The following P2RX4 variants were observed in gnomAD, a reference collection of about 807,000 sequenced individuals.
P2RX4 encodes the protein P2X purinoceptor 4.
Under a neutral mutation model 48.0 loss-of-function variants are expected in P2RX4, and 37 were observed. The ratio of observed to expected loss-of-function variants is 0.77; its 90% confidence interval spans 0.59 to 1.01. The LOEUF is 1.01. Among genes scored for constraint, P2RX4 ranks in the 50% least tolerant of loss-of-function variants. The probability of loss-of-function intolerance (pLI) is 0.00; values close to 1 mark genes in which losing one functional copy is unlikely to be tolerated. For missense variants in P2RX4, 501 were observed against 521.4 expected (o/e 0.96, Z 0.38); for synonymous variants, 200 against 199.7 (o/e 1.00, Z -0.01).
At chr12:121,212,064 A>C (rs1885899970) in intron 1 of P2RX4, among the ~76,000 whole-genome samples, 1 of 152,260 alleles carries the variant, frequency 6.6e-6, no homozygotes, top group South Asian at 2.1e-4. Context: ...GAACCAATGA[A>C]CTGTGTTTCC....
At chr12:121,222,604 G>T (rs1482228267) in intron 4 of P2RX4, 1 of 519,792 alleles carries the variant, frequency 1.9e-6, no homozygotes, top group Non-Finnish European at 3.6e-6. Context: ...GTAGAGATGG[G>T]TTTTACCATG....
At position 121,233,036 on chromosome 12, in the gene P2RX4, A is replaced by C. The variant is rs1226775109; in HGVS notation, c.1084A>C (p.Lys362Gln). Residue 362 changes from lysine to glutamine, a missense_variant, in exon 11 of 12, where the codon AAG (lysine) becomes CAG (glutamine). Lys to Gln is a moderately conservative substitution (Grantham distance 53). Coordinates refer to ENST00000337233, the MANE Select transcript of P2RX4 (RefSeq NM_002560.3). ...TGACATCATAGTCCTCTACTGCATG[A>C]AGAAAAGACTCTACTATCGGGAGAA... ...LCDIIVLYCM[K>Q]KRLYYREKKY... is the part of the protein sequence containing the mutation. 1.2e-6 allele frequency: 2 copies of C among 1,614,026 alleles called. No homozygotes were observed. The highest frequency in any genetic ancestry group is 2.7e-5 in the African/African-American group (2 of 75,046).
Position 121,222,941 on chromosome 12 carries a change from T to C in P2RX4, c.428-6T>C. 6.2e-7 allele frequency: 1 copy of C among 1,604,348 alleles called. No individual in the cohort carries two copies. Among genetic ancestry groups the C allele is most frequent in the East Asian group, 2.2e-5 (1 of 44,840 alleles). ...TGGGACCCCCCTGCCACCCTTGTGCTTGTAGGAGTCTCAACAGGCAGGTGC... is the reference window on the plus strand; with the variant it reads ...TGGGACCCCCCTGCCACCCTTGTGCCTGTAGGAGTCTCAACAGGCAGGTGC... On this transcript the variant is annotated splice_polypyrimidine_tract_variant and splice_region_variant and intron_variant, in intron 4 of 11. Coordinates refer to ENST00000337233, the MANE Select transcript of P2RX4 (RefSeq NM_002560.3).
chr12:121,230,471 G>T (rs569576135), intron 8 of P2RX4, among the ~76,000 whole-genome samples: 2 of 152,362 alleles, frequency 1.3e-5, no homozygotes, highest in East Asian at 3.9e-4. Context: ...TAGTGGTGAC[G>T]TGTGGAATCC....
Position 121,232,311 on chromosome 12 carries a change from A to G in P2RX4, c.885-103A>G, listed in dbSNP as rs934649261. On this transcript the variant is annotated intron_variant, in intron 8 of 11. Coordinates refer to ENST00000337233, the MANE Select transcript of P2RX4 (RefSeq NM_002560.3). The surrounding 1 kb of genome is among the most constrained non-coding windows in gnomAD (Gnocchi z 4.3). ...CCGCTCCAGCGTCCATTCAGCCGGC[A>G]GAGTGGACCATTCACCTGTGCCAGC... 3.6e-6 allele frequency: 3 copies of G among 823,722 alleles called. No individual in the cohort carries two copies. The African/African-American group carries it at 5.0e-5, about 14-fold the overall frequency. 51.0% of individuals were successfully genotyped at this position (823,722 alleles called of 1,614,324 possible).
chr12:121,222,538 G>A (rs1303107638), intron 4 of P2RX4: 8 of 440,046 alleles, frequency 1.8e-5, no homozygotes, highest in East Asian at 1.7e-4. Context: ...TCAGCCTCCC[G>A]AGTAGCTGGG....
intron 1 of P2RX4, among the ~76,000 whole-genome samples, chr12:121,212,472 G>C (rs988964035): frequency 1.4e-5 from 2 of 148,026 alleles, no homozygotes; most frequent in East Asian, 2.0e-4. Context: ...TACTGATGGA[G>C]CAGTGCAAAA....
intron 11 of P2RX4, 30 bp from the exon 12 acceptor site, chr12:121,233,491 GCA>G (rs1235369698): frequency 6.3e-7 from 1 of 1,598,570 alleles, no homozygotes; most frequent in Admixed American, 1.7e-5. Context: ...GGTCCCAGGG[GCA>G]CCTTGATCTG....
In P2RX4 at chr12:121,217,243, C is replaced by T. The variant is rs959351867; in HGVS notation, c.244C>T (p.Arg82Trp). 5.0e-6 allele frequency: 8 copies of T among 1,614,072 alleles called. No homozygotes were observed. Among genetic ancestry groups the T allele is most frequent in the African/African-American group, 2.7e-5 (2 of 74,938 alleles). Residue 82 changes from arginine (R) to tryptophan (W), a missense_variant, in exon 2 of 12, where the codon CGG (arginine) becomes TGG (tryptophan). Arg to Trp is a moderately radical substitution (Grantham distance 101). Coordinates refer to ENST00000337233, the MANE Select transcript of P2RX4 (RefSeq NM_002560.3). ...GACCAACACTTCTAAACTTGGATTC[C>T]GGATCTGGGATGTGGCGGATTATGT... ...AVTNTSKLGF[R>W]IWDVADYVIP... is the part of the protein sequence containing the mutation.
At chr12:121,212,824 A>ATTTTTTTTTTTTTTTTT (rs1176783368) in intron 1 of P2RX4, 5 of 32,252 alleles carry the variant, frequency 1.6e-4, no homozygotes, top group African/African-American at 8.4e-4. Context: ...ATATATATAT[A>ATTTTTTTTTTTTTTTTT]TTTTTTTTTT....
intron 1 of P2RX4, chr12:121,212,794 AT>A (rs1565997373): frequency 1.4e-4 from 7 of 50,836 alleles, no homozygotes; most frequent in African/African-American, 5.7e-4. Context: ...CATCTCAAAT[AT>A]ATATATATAT....
chr12:121,217,063 C>T (rs1886273579), intron 1 of P2RX4, 71 bp from the exon 2 acceptor site: 1 of 1,484,782 alleles, frequency 6.7e-7, no homozygotes, highest in African/African-American at 1.4e-5. Context: ...CACTGGCCAG[C>T]AGAAGCTTCC....
At chr12:121,233,409 G>A in intron 11 of P2RX4, 114 bp from the exon 12 acceptor site, 1 of 1,151,170 alleles carries the variant, frequency 8.7e-7, no homozygotes, top group South Asian at 1.3e-5. Context: ...TTGGGTTCCA[G>A]GCCTGGGACC....
At position 121,221,788 on chromosome 12, in the gene P2RX4, T is replaced by C. The variant is rs560561983; in HGVS notation, c.283-125T>C. On this transcript the variant is annotated intron_variant, in intron 2 of 11. Coordinates refer to ENST00000337233, the MANE Select transcript of P2RX4 (RefSeq NM_002560.3). ...CTGTTTTCCATTGGGTTATAAACTT[T>C]GATGGGAGAGAGCGGGAGAGCACGC... The C allele has an allele frequency of 4.0e-5, 30 of 757,910 alleles. No individual in the cohort carries two copies. In the African/African-American group the frequency reaches 4.8e-4, roughly 12 times the overall value. The allele number at this position is 757,910 out of a possible 1,614,324, so 46.9% of individuals were successfully genotyped here. A position where few individuals can be genotyped will look rare whatever the true frequency, so the allele number is the denominator to read the frequency against.
In P2RX4 at chr12:121,232,396, C is replaced by T; in HGVS notation, c.885-18C>T. Reference sequence around the variant, plus strand: ...CTGCCCCAGCCATCTCCCCCTGATCCATCCTCCTTCCCCTCAGGTTTGCCA... The same window carrying T: ...CTGCCCCAGCCATCTCCCCCTGATCTATCCTCCTTCCCCTCAGGTTTGCCA... On this transcript the variant is annotated intron_variant, in intron 8 of 11. Transcript: ENST00000337233. This position sits in a 1 kb window ranked among gnomAD's most constrained non-coding sequence, Gnocchi z 4.3. 2 of 1,584,838 alleles carry T rather than the reference C, an allele frequency of 1.3e-6. No homozygotes were observed. Among genetic ancestry groups the T allele is most frequent in the Non-Finnish European group, 8.7e-7 (1 of 1,153,360 alleles).
intron 5 of P2RX4, among the ~76,000 whole-genome samples, chr12:121,228,323 A>G (rs1887098302): frequency 6.9e-6 from 1 of 144,292 alleles, no homozygotes; most frequent in African/African-American, 2.6e-5. Context: ...AGATCGCGCC[A>G]TTGCACTCAA....
At chr12:121,222,225 A>AACAT in intron 4 of P2RX4, 59 bp downstream of exon 4, 2 of 1,147,730 alleles carry the variant, frequency 1.7e-6, no homozygotes, top group Middle Eastern at 1.9e-4. Flanking sequence ...CCCACTGTGG[A>AACAT]GCGTCTCTGA....
Position 121,229,061 on chromosome 12 carries a change from G to A in P2RX4, c.846G>A (p.Arg282=). Residue 282 remains arginine, a synonymous_variant, in exon 8 of 12, where the codon CGG becomes CGA. Coordinates refer to ENST00000337233, the MANE Select transcript of P2RX4 (RefSeq NM_002560.3). This position sits in a 1 kb window ranked among gnomAD's most constrained non-coding sequence, Gnocchi z 4.6. Reference sequence around the variant, plus strand: ...ACTCCTTCCGCCGCCTCGATACACGGGACGTTGAGCACAACGTATCTCCTG... The same window carrying A: ...ACTCCTTCCGCCGCCTCGATACACGAGACGTTGAGCACAACGTATCTCCTG... The part of the protein sequence containing the change: ...PRYSFRRLDT[R]DVEHNVSPGY... 6.2e-7 allele frequency: 1 copy of A among 1,614,124 alleles called. No homozygotes were observed.
chr12:121,216,875 G>A (rs997074441), intron 1 of P2RX4: 17 of 686,494 alleles, frequency 2.5e-5, no homozygotes, highest in South Asian at 3.1e-5. Context: ...TTCATCGAGC[G>A]TTTTCTCTGT....
Sources: allele counts gnomAD v4.1 joint callset (sites outside exome capture counted in the v4.1 genomes callset), GRCh38; gene constraint gnomAD v4.1.1; non-coding constraint Gnocchi (gnomAD v3.1); transcripts MANE v1.5; gene names NCBI Gene and HGNC (gene_info 2026-07-23, HGNC 2026-07-21).